The following ABCA13 variants were observed in gnomAD, a reference collection of about 807,000 sequenced individuals.
ABCA13 encodes the protein ATP binding cassette subfamily A member 13.
Under a neutral mutation model 478.7 loss-of-function variants are expected in ABCA13, and 476 were observed. The observed-to-expected ratio is 0.99, with a 90% CI of 0.92 to 1.07. The LOEUF (loss-of-function observed/expected upper bound fraction) is 1.07. Ranked by LOEUF, ABCA13 falls within the 50% of genes least tolerant of loss-of-function variation. The pLI is 0.00. For missense variants in ABCA13, 6,060 were observed against 5,910.6 expected (o/e 1.03, Z -0.83); for synonymous variants, 2,252 against 2,158.9 (o/e 1.04, Z -1.20).
chr7:48,230,723 C>T (rs1788932332), intron 7 of ABCA13, among the ~76,000 whole-genome samples: 1 of 151,942 alleles, frequency 6.6e-6, no homozygotes, highest in South Asian at 2.1e-4. Flanking sequence ...ATCTATCCAT[C>T]TATTCATCCA....
At chr7:48,637,381 CA>C (rs1156643955) in intron 59 of ABCA13, among the ~76,000 whole-genome samples, 509 of 20,244 alleles carry the variant, frequency 0.025, 1 homozygote, top group African/African-American at 0.069. Context: ...GTTCATAAAG[CA>C]AAAAAAAAAA....
chr7:48,349,266 G>A (rs546216761), intron 29 of ABCA13, among the ~76,000 whole-genome samples: 42 of 152,272 alleles, frequency 2.8e-4, no homozygotes, highest in Middle Eastern at 6.8e-3. Context: ...CAAATTACTG[G>A]AACATAATAA....
chr7:48,214,495 A>G (rs1208923734), intron 3 of ABCA13, among the ~76,000 whole-genome samples: 2 of 152,222 alleles, frequency 1.3e-5, no homozygotes, highest in Admixed American at 6.5e-5. Context: ...AGTCCTAGAT[A>G]GCATCTTCCA....
intron 54 of ABCA13, among the ~76,000 whole-genome samples, chr7:48,527,722 G>C (rs1425565619): frequency 6.6e-6 from 1 of 152,052 alleles, no homozygotes; most frequent in Non-Finnish European, 1.5e-5. Context: ...GAATTTACAG[G>C]CTCTTCAATG....
chr7:48,352,346 A>T lies in ABCA13; in HGVS notation c.10547A>T (p.Asp3516Val), dbSNP rs771632176. 9.9e-6 allele frequency: 16 copies of T among 1,613,660 alleles called. No homozygotes were observed. Among genetic ancestry groups the T allele is most frequent in the African/African-American group, 2.7e-5 (2 of 74,724 alleles). ...WKFHPQNLPADGFKYNYVFAP... is the reference protein window; with the variant it reads ...WKFHPQNLPAVGFKYNYVFAP... ...TTCCACCCTCAGAATCTACCAGCTG[A>T]TGGGTTCAAATATAACTACGTCTTT... The change falls in exon 31 of 62, where the codon GAT becomes GTT. Residue 3516 changes from aspartate to valine, a missense_variant. Asp to Val is a radical substitution (Grantham distance 152, BLOSUM62 -3). Around this residue, in one of 3 missense-constraint regions of ABCA13, gnomAD observed 4,423 missense variants for 4,309.1 expected, o/e 1.03. Transcript: ENST00000435803.
intron 40 of ABCA13, among the ~76,000 whole-genome samples, chr7:48,411,053 C>CTTTCTTTTTCTTTCTTTCTTTCTTTCTT (rs1819070696): frequency 1.2e-5 from 1 of 83,648 alleles, no homozygotes; most frequent in African/African-American, 4.0e-5. Flanking sequence ...CTTTCTTTTT[C>CTTTCTTTTTCTTTCTTTCTTTCTTTCTT]TTTCTTTCTT....
chr7:48,597,762 T>C (rs1278226826), intron 58 of ABCA13, among the ~76,000 whole-genome samples: 3 of 152,216 alleles, frequency 2.0e-5, no homozygotes, highest in Non-Finnish European at 4.4e-5. Flanking sequence ...CAATATCTCC[T>C]CCATCCTCCA....
chr7:48,405,031 C>G (rs1327635653), intron 39 of ABCA13, among the ~76,000 whole-genome samples: 1 of 152,226 alleles, frequency 6.6e-6, no homozygotes, highest in South Asian at 2.1e-4. Context: ...GCAGCCACAT[C>G]GGAGTTCACG....
At chr7:48,579,252 A>G (rs972224280) in intron 55 of ABCA13, among the ~76,000 whole-genome samples, 4 of 152,252 alleles carry the variant, frequency 2.6e-5, no homozygotes, top group African/African-American at 7.2e-5. Context: ...AGACTTGTAT[A>G]TGAAATACAT....
chr7:48,443,399 G>C (rs972224616), intron 42 of ABCA13, among the ~76,000 whole-genome samples: 1 of 152,162 alleles, frequency 6.6e-6, no homozygotes, highest in Non-Finnish European at 1.5e-5. Context: ...TAGTGTAAAA[G>C]CTGGCCCCCA....
chr7:48,311,417 A>G (rs1367972367), intron 24 of ABCA13, among the ~76,000 whole-genome samples: 1 of 152,194 alleles, frequency 6.6e-6, no homozygotes, highest in Non-Finnish European at 1.5e-5. Flanking sequence ...TAACATGCTT[A>G]TGGTTTAGCT....
chr7:48,254,691 A>C (rs1338002518), intron 15 of ABCA13, among the ~76,000 whole-genome samples: 1 of 152,142 alleles, frequency 6.6e-6, no homozygotes, highest in Admixed American at 6.6e-5. Context: ...GTCAGGAATT[A>C]AACTATTTTT....
chr7:48,498,628 G>A (rs1830475734), intron 48 of ABCA13, among the ~76,000 whole-genome samples: 1 of 152,084 alleles, frequency 6.6e-6, no homozygotes, highest in African/African-American at 2.4e-5. Context: ...AGCACCTATG[G>A]AATATGGAAA....
chr7:48,504,525 G>A (rs1387802862), intron 48 of ABCA13, among the ~76,000 whole-genome samples: 2 of 152,044 alleles, frequency 1.3e-5, no homozygotes, highest in Non-Finnish European at 2.9e-5. Flanking sequence ...AAGATGATGG[G>A]GATATTTGCC....
Position 48,219,454 on chromosome 7 carries a change from G to T in ABCA13, c.388G>T (p.Asp130Tyr). The T allele has an allele frequency of 2.5e-6, 4 of 1,613,158 alleles. No individual in the cohort carries two copies. In the South Asian group the frequency reaches 4.4e-5, roughly 18 times the overall value. Reference protein sequence around the residue: ...DLAEEIHGMMDKAKNLKRLWV... With the variant: ...DLAEEIHGMMYKAKNLKRLWV... ...GGCAGAGGAAATTCATGGAATGATG[G>T]ACAAGGCAAAAAACTTAAAAAGACT... The change falls in exon 4 of 62, where the codon GAC becomes TAC. Residue 130 changes from aspartate (D) to tyrosine (Y), a missense_variant. Transcript: ENST00000435803.
chr7:48,227,417 C>T lies in ABCA13; in HGVS notation c.624C>T (p.Thr208=), dbSNP rs1304230257. The change falls in exon 6 of 62, where the codon ACC becomes ACT. Residue 208 remains threonine, a synonymous_variant. Coordinates refer to ENST00000435803, the MANE Select transcript of ABCA13 (RefSeq NM_152701.5). ...ATGTTGCAGTGAACCTTCTCCAGAC[C>T]ATTTTGAAGTGAGTGAAAAAGAAAA... The part of the protein sequence containing the change: ...GMDVAVNLLQ[T]ILNSLISLED... The T allele has an allele frequency of 6.2e-7, 1 of 1,613,694 alleles. No homozygotes were observed. Among genetic ancestry groups the T allele is most frequent in the Middle Eastern group, 1.6e-4 (1 of 6,062 alleles).
chr7:48,578,853 A>G (rs1385520190), intron 55 of ABCA13, among the ~76,000 whole-genome samples: 1 of 152,216 alleles, frequency 6.6e-6, no homozygotes, highest in African/African-American at 2.4e-5. Context: ...GTCAACTGAT[A>G]TATGACAAAA....
Position 48,524,332 on chromosome 7 carries a change from G to A in ABCA13, c.14136G>A (p.Arg4712=). 4 of 1,613,182 alleles carry A rather than the reference G, an allele frequency of 2.5e-6. No individual in the cohort carries two copies. The highest frequency in any genetic ancestry group is 3.4e-6 in the Non-Finnish European group (4 of 1,179,504). ...AGGAAAAGAGAGTGTTTGAAGGAAGGACCAATGGAGACATTCTTGTGTTAT... is the reference window on the plus strand; with the variant it reads ...AGGAAAAGAGAGTGTTTGAAGGAAGAACCAATGGAGACATTCTTGTGTTAT... The part of the protein sequence containing the change: ...EKEEKRVFEG[R]TNGDILVLYN... Residue 4712 remains arginine, a synonymous_variant, in exon 54 of 62, where the codon AGG becomes AGA. Transcript: ENST00000435803.
intron 29 of ABCA13, among the ~76,000 whole-genome samples, chr7:48,340,363 C>A (rs542396987): frequency 6.6e-6 from 1 of 152,288 alleles, no homozygotes; most frequent in South Asian, 2.1e-4. Context: ...GCCTCGGCCT[C>A]CCAAAGTGCT....
Sources: gnomAD v4.1 joint callset for allele counts (sites outside exome capture counted in the v4.1 genomes callset) on GRCh38, gnomAD v4.1.1 for gene constraint, gnomAD v4.1.1 regional missense constraint, MANE v1.5 for transcripts, NCBI Gene and HGNC (gene_info 2026-07-23, HGNC 2026-07-21) for gene names.